The following AGAP1 variants were observed in gnomAD, a reference collection of about 807,000 sequenced individuals.
The protein encoded by AGAP1 is ArfGAP with GTPase domain, ankyrin repeat and PH domain 1, also known as arf-GAP with GTPase, ANK repeat and PH domain-containing protein 1.
Under a neutral mutation model 105.3 loss-of-function variants are expected in AGAP1, and 29 were observed. The ratio of observed to expected loss-of-function variants is 0.28; its 90% CI spans 0.21 to 0.38. AGAP1 has a LOEUF of 0.38. Ranked by LOEUF, AGAP1 falls within the 10% of genes least tolerant of loss-of-function variation. AGAP1 has a pLI of 1.00. For missense variants in AGAP1, 998 were observed against 1,165.1 expected (o/e 0.86, Z 2.09); for synonymous variants, 509 against 485.9 (o/e 1.05, Z -0.63).
In AGAP1 at chr2:235,752,498, CGCAGA is replaced by C. The variant is rs1170687127; in HGVS notation, c.673+2013_673+2017del. Reference sequence around the variant, plus strand: ...CTGGCTGTAAATAGACTTTTCATGACGCAGAGCCACGCTTTGTGTCGATGGGCTGC... The same window carrying C: ...CTGGCTGTAAATAGACTTTTCATGACGCCACGCTTTGTGTCGATGGGCTGC... On this transcript the variant is annotated intron_variant, in intron 6 of 17. Coordinates refer to ENST00000304032, the MANE Select transcript of AGAP1 (RefSeq NM_001037131.3). This position sits in a 1 kb window ranked among gnomAD's most constrained non-coding sequence, Gnocchi z 4.3. Among the ~76,000 whole-genome samples, 2 of 152,172 alleles carry C rather than the reference CGCAGA, an allele frequency of 1.3e-5. No homozygotes were observed. The highest frequency in any genetic ancestry group is 3.9e-4 in the East Asian group (2 of 5,144).
intron 1 of AGAP1, among the ~76,000 whole-genome samples, chr2:235,675,330 A>G (rs991022757): frequency 2.0e-5 from 3 of 151,862 alleles, no homozygotes; most frequent in African/African-American, 7.3e-5. Context: ...AGCTGGGACT[A>G]CAGGTGCCCG....
chr2:235,549,016 G>C lies in AGAP1; in HGVS notation c.163+54167G>C, dbSNP rs1300866804. Among the ~76,000 whole-genome samples, 1 of 152,192 alleles carries C rather than the reference G, an allele frequency of 6.6e-6. No homozygotes were observed. The highest frequency in any genetic ancestry group is 1.5e-5 in the Non-Finnish European group (1 of 68,034). The stretch of plus-strand genomic sequence containing the variant: ...CCCTGCTTTGCTTGCAAGGTGGTCC[G>C]AGCCTGGGTGGAAAGCACTGCAGGG... On this transcript the variant is annotated intron_variant, in intron 1 of 17. Transcript: ENST00000304032. The surrounding 1 kb of genome is among the most constrained non-coding windows in gnomAD (Gnocchi z 4.2).
chr2:236,106,375 G>C (rs1040365171), intron 16 of AGAP1, among the ~76,000 whole-genome samples: 13 of 152,246 alleles, frequency 8.5e-5, no homozygotes, highest in African/African-American at 2.9e-4. Flanking sequence ...GGCCTAAGGA[G>C]GGTTGATGTG....
At position 235,566,265 on chromosome 2, in the gene AGAP1, A is replaced by G. The variant is rs747715057; in HGVS notation, c.163+71416A>G. 1.3e-4 allele frequency among the ~76,000 whole-genome samples: 20 copies of G among 152,102 alleles called. No homozygotes were observed. The highest frequency in any genetic ancestry group is 6.2e-4 in the South Asian group (3 of 4,818). On this transcript the variant is annotated intron_variant, in intron 1 of 17. Coordinates refer to ENST00000304032, the MANE Select transcript of AGAP1 (RefSeq NM_001037131.3). This position sits in a 1 kb window ranked among gnomAD's most constrained non-coding sequence, Gnocchi z 5.2. ...CGCCACCACGCCTGGCTAATTTTGT[A>G]TTTTTAGTACAGACGGAGTTTCTCC...
rs182140668 is a variant in AGAP1 at position 236,104,762 on chromosome 2, G to T, written c.2115-15430G>T. ...AAATTAGCTGGGCATGGTGATGCGT[G>T]CCTGTAATCCCAGCTACTCGGGAGG... On this transcript the variant is annotated intron_variant, in intron 16 of 17. Transcript: ENST00000304032. This position sits in a 1 kb window ranked among gnomAD's most constrained non-coding sequence, Gnocchi z 4.7. Among the ~76,000 whole-genome samples the T allele has an allele frequency of 3.3e-5, 5 of 152,310 alleles. No individual in the cohort carries two copies. The highest frequency in any genetic ancestry group is 2.6e-4 in the Admixed American group (4 of 15,302).
At chr2:236,067,446 TATA>T (rs1310788291) in intron 16 of AGAP1, among the ~76,000 whole-genome samples, 2 of 152,124 alleles carry the variant, frequency 1.3e-5, no homozygotes, top group Non-Finnish European at 2.9e-5. Context: ...CGTTAAAAAT[TATA>T]ATGAAAAATA....
Position 235,710,489 on chromosome 2 carries a change from G to A in AGAP1, c.222+1252G>A, listed in dbSNP as rs752376803. On this transcript the variant is annotated intron_variant, in intron 2 of 17. Transcript: ENST00000304032. ...CATCAGCTGGGCCCATCTCCTTCCCGGTGTCTGCCCCCCGCCCCATTCCTC... is the reference window on the plus strand; with the variant it reads ...CATCAGCTGGGCCCATCTCCTTCCCAGTGTCTGCCCCCCGCCCCATTCCTC... 7.2e-5 allele frequency among the ~76,000 whole-genome samples: 11 copies of A among 152,084 alleles called. No homozygotes were observed. The East Asian group carries it at 7.7e-4, about 11-fold the overall frequency.
At chr2:235,703,531 G>T (rs1291766257) in intron 1 of AGAP1, among the ~76,000 whole-genome samples, 1 of 151,616 alleles carries the variant, frequency 6.6e-6, no homozygotes, top group African/African-American at 2.4e-5. Flanking sequence ...CCTTAGGAAA[G>T]AATTGCTCCC....
chr2:235,531,326 A>G (rs967419613), intron 1 of AGAP1, among the ~76,000 whole-genome samples: 2 of 151,982 alleles, frequency 1.3e-5, no homozygotes, highest in African/African-American at 4.8e-5. Context: ...ACTCCTTCCT[A>G]TGGCTTTTCT....
chr2:235,954,239 CAAAA>C (rs34138034), intron 12 of AGAP1, among the ~76,000 whole-genome samples: 10 of 128,136 alleles, frequency 7.8e-5, no homozygotes, highest in African/African-American at 5.6e-5. Flanking sequence ...ACTCTGCCTC[CAAAA>C]AAAAAAAAAA....
chr2:235,797,792 A>C lies in AGAP1; in HGVS notation c.707A>C (p.Gln236Pro), dbSNP rs1957310143. ...AQKIVATRKKQQLSIGPCKSL... is the reference protein window; with the variant it reads ...AQKIVATRKKPQLSIGPCKSL... Reference sequence around the variant, plus strand: ...AAGATTGTTGCCACAAGGAAGAAGCAGCAGCTGTCCATAGGACCCTGCAAG... The same window carrying C: ...AAGATTGTTGCCACAAGGAAGAAGCCGCAGCTGTCCATAGGACCCTGCAAG... Residue 236 changes from glutamine (Q) to proline (P), a missense_variant, in exon 7 of 18, where the codon CAG (glutamine) becomes CCG (proline). Around this residue, in one of 3 missense-constraint regions of AGAP1, gnomAD observed 735 missense variants for 833.4 expected, o/e 0.88. Transcript: ENST00000304032. 2 of 1,614,214 alleles carry C rather than the reference A, an allele frequency of 1.2e-6. No homozygotes were observed. The highest frequency in any genetic ancestry group is 1.7e-6 in the Non-Finnish European group (2 of 1,180,040).
rs2059007222 is a variant in AGAP1, at chr2:236,089,463, CAGA to C, written c.2115-30725_2115-30723del. Reference sequence around the variant, plus strand: ...CGCCTACTAGGCTGCCGGGTACTGGCAGAAGAGAGTGAGCGTAGCAACTGGGAG... The same window carrying C: ...CGCCTACTAGGCTGCCGGGTACTGGCAGAGAGTGAGCGTAGCAACTGGGAG... On this transcript the variant is annotated intron_variant, in intron 16 of 17. Transcript: ENST00000304032. This position sits in a 1 kb window ranked among gnomAD's most constrained non-coding sequence, Gnocchi z 5.6. 1.3e-5 allele frequency among the ~76,000 whole-genome samples: 2 copies of C among 152,212 alleles called. No individual in the cohort carries two copies. Among genetic ancestry groups the C allele is most frequent in the African/African-American group, 4.8e-5 (2 of 41,454 alleles).
chr2:236,088,455 G>A (rs2058983691), intron 16 of AGAP1, among the ~76,000 whole-genome samples: 2 of 152,192 alleles, frequency 1.3e-5, no homozygotes, highest in African/African-American at 2.4e-5. Flanking sequence ...TGAATTGGCT[G>A]GCATTTCCAG....
rs554373467 is a variant in AGAP1 at position 235,686,584 on chromosome 2, C to G, written c.164-22595C>G. Among the ~76,000 whole-genome samples the G allele has an allele frequency of 2.3e-5, 3 of 132,788 alleles. No individual in the cohort carries two copies. The East Asian group carries it at 6.6e-4, about 29-fold the overall frequency. 87.1% of individuals were successfully genotyped at this position (132,788 alleles called of 152,430 possible). A position where few individuals can be genotyped will look rare whatever the true frequency, so the allele number is the denominator to read the frequency against. On this transcript the variant is annotated intron_variant, in intron 1 of 17. Transcript: ENST00000304032. Reference sequence around the variant, plus strand: ...ACACACACACACACACACACACACACACACGTGTGTGTGTATATATATACG... The same window carrying G: ...ACACACACACACACACACACACACAGACACGTGTGTGTGTATATATATACG...
At chr2:235,526,317 T>C (rs960481143) in intron 1 of AGAP1, among the ~76,000 whole-genome samples, 4 of 152,228 alleles carry the variant, frequency 2.6e-5, no homozygotes, top group African/African-American at 9.6e-5. Flanking sequence ...TAGGTTCTCT[T>C]GATTGACAGG....
intron 12 of AGAP1, among the ~76,000 whole-genome samples, chr2:235,945,545 C>G (rs570460008): frequency 6.6e-6 from 1 of 152,126 alleles, no homozygotes; most frequent in East Asian, 1.9e-4. Context: ...ACTACCATTT[C>G]TCTTTGCTAA....
intron 16 of AGAP1, among the ~76,000 whole-genome samples, chr2:236,091,762 G>A (rs1300340118): frequency 6.6e-6 from 1 of 152,150 alleles, no homozygotes; most frequent in Admixed American, 6.6e-5. Context: ...ACAGAGCAAG[G>A]CTCTGCATAA....
Position 235,965,551 on chromosome 2 carries a change from G to A in AGAP1, c.1484-2911G>A, listed in dbSNP as rs909150163. On this transcript the variant is annotated intron_variant, in intron 12 of 17. Transcript: ENST00000304032. This position sits in a 1 kb window ranked among gnomAD's most constrained non-coding sequence, Gnocchi z 5.8. Reference sequence around the variant, plus strand: ...GCAGCGGTTTTGAGCAGACCTGACCGAGCTCTGTGACTTCAGCAAGTTACT... The same window carrying A: ...GCAGCGGTTTTGAGCAGACCTGACCAAGCTCTGTGACTTCAGCAAGTTACT... Among the ~76,000 whole-genome samples the A allele has an allele frequency of 7.9e-5, 12 of 152,246 alleles. No individual in the cohort carries two copies. The highest frequency in any genetic ancestry group is 6.8e-3 in the Middle Eastern group (2 of 294).
In AGAP1 at chr2:235,763,048, GTGTA is replaced by G. The variant is rs1030510834; in HGVS notation, c.673+12564_673+12567del. Among the ~76,000 whole-genome samples the G allele has an allele frequency of 3.9e-4, 50 of 126,908 alleles. 1 individual carries two copies. Among genetic ancestry groups the G allele is most frequent in the African/African-American group, 1.3e-3 (48 of 36,004 alleles). 83.3% of individuals were successfully genotyped at this position (126,908 alleles called of 152,430 possible). A position where few individuals can be genotyped will look rare whatever the true frequency, so the allele number is the denominator to read the frequency against. On this transcript the variant is annotated intron_variant, in intron 6 of 17. Coordinates refer to ENST00000304032, the MANE Select transcript of AGAP1 (RefSeq NM_001037131.3). ...TGTTAAGGCTCGGGTGTGTGTGTGT[GTGTA>G]TGTGTGCGCGCGCGCGCACACGTGC...
Sources: allele counts gnomAD v4.1 joint callset (sites outside exome capture counted in the v4.1 genomes callset), GRCh38; gene constraint gnomAD v4.1.1; regional missense constraint gnomAD v4.1.1; non-coding constraint Gnocchi (gnomAD v3.1); transcripts MANE v1.5; gene names NCBI Gene and HGNC (gene_info 2026-07-23, HGNC 2026-07-21).